C3orf52: variants seen among roughly 807,000 people sequenced by gnomAD.
C3orf52 encodes TPA-induced transmembrane protein.
A neutral mutation model predicts 24.8 loss-of-function variants in C3orf52; 22 were observed. The ratio of observed to expected loss-of-function variants is 0.89; its 90% CI spans 0.63 to 1.27. The LOEUF is 1.27. Among genes scored for constraint, C3orf52 ranks in the 50% most tolerant of loss-of-function variants. The pLI is 0.00. For missense variants in C3orf52, 265 were observed against 260.7 expected, an observed-to-expected ratio of 1.02 and a Z score of -0.11; for synonymous variants, 93 against 100.2, an observed-to-expected ratio of 0.93 and a Z score of 0.43.
rs1489572656 is a variant in C3orf52, at chr3:112,102,837, G to A, written c.269-1G>A. 3 of 1,552,376 alleles carry A rather than the reference G, an allele frequency of 1.9e-6. No individual in the cohort carries two copies. The highest frequency in any genetic ancestry group is 4.0e-5 in the Admixed American group (2 of 49,596). ...ATTTCCACCTCCCCTACTTTCTTTA[G>A]TAACTTATGTTGATGAAGATGAAAA... On this transcript the variant is annotated splice_acceptor_variant, in intron 2 of 5. Transcript: ENST00000264848. LOFTEE classifies it high-confidence loss of function.
chr3:112,132,281 T>C (rs753665689), downstream of C3orf52, among the ~76,000 whole-genome samples: 2 of 152,020 alleles, frequency 1.3e-5, no homozygotes, highest in Non-Finnish European at 2.9e-5. Flanking sequence ...TGTTCCACTC[T>C]CCAGTAGCAT....
chr3:112,093,537 T>G, intron 2 of C3orf52, 48 bp downstream of exon 2: 1 of 1,564,184 alleles, frequency 6.4e-7, no homozygotes, highest in East Asian at 2.3e-5. Context: ...AGAACTTACT[T>G]AAGGCTTGTG....
Position 112,113,144 on chromosome 3 carries a change from T to C in C3orf52, c.648T>C (p.Tyr216=), listed in dbSNP as rs745978679. The C allele has an allele frequency of 7.0e-5, 112 of 1,593,942 alleles. No homozygotes were observed. Among genetic ancestry groups the C allele is most frequent in the Non-Finnish European group, 9.4e-5 (110 of 1,170,888 alleles). Residue 216 remains tyrosine (Y), a splice_region_variant and synonymous_variant, in exon 5 of 6, where the codon TAT becomes TAC. Coordinates refer to ENST00000264848, the MANE Select transcript of C3orf52 (RefSeq NM_024616.3). ...LGLDPTSLLL[Y]E is the part of the protein sequence containing the mutation. The stretch of plus-strand genomic sequence containing the variant: ...TTGATCCAACATCCCTCTTGCTCTA[T>C]GGTAAGTAGAGCAAGTAAAGAAGTC...
At chr3:112,101,749 A>C (rs1258187262) in intron 2 of C3orf52, among the ~76,000 whole-genome samples, 1 of 152,100 alleles carries the variant, frequency 6.6e-6, no homozygotes, top group Admixed American at 6.5e-5. Context: ...CAAACACTGA[A>C]TTTATTCCAC....
At chr3:112,132,592 A>T, downstream of C3orf52, 2 of 943,552 alleles carry the variant, frequency 2.1e-6, no homozygotes, top group South Asian at 9.8e-5. Context: ...TCCAGAAAGT[A>T]AATCTGAGTT....
At chr3:112,119,845 T>G (rs1323865690), downstream of C3orf52, among the ~76,000 whole-genome samples, 1 of 152,228 alleles carries the variant, frequency 6.6e-6, no homozygotes, top group Non-Finnish European at 1.5e-5. Context: ...CATCTCACAG[T>G]TGGGAAATCA....
intron 4 of C3orf52, among the ~76,000 whole-genome samples, chr3:112,127,407 A>G (rs527360992): frequency 1.1e-4 from 16 of 143,770 alleles, no homozygotes; most frequent in South Asian, 4.6e-4. Flanking sequence ...ATTCTAATCT[A>G]TGATCTCCAA....
intron 2 of C3orf52, among the ~76,000 whole-genome samples, chr3:112,097,474 A>G (rs1262590180): frequency 2.0e-5 from 3 of 152,062 alleles, no homozygotes; most frequent in African/African-American, 7.2e-5. Flanking sequence ...TGTGGTACTG[A>G]GATATAAGCA....
At chr3:112,087,997 A>G (rs957682253) in intron 1 of C3orf52, among the ~76,000 whole-genome samples, 1 of 152,252 alleles carries the variant, frequency 6.6e-6, no homozygotes, top group Non-Finnish European at 1.5e-5. Flanking sequence ...AGAACAAGCC[A>G]AATCCATGCA....
At chr3:112,112,679 G>A (rs899718935) in intron 4 of C3orf52, 1 of 414,354 alleles carries the variant, frequency 2.4e-6, no homozygotes, top group African/African-American at 2.0e-5. Context: ...CATCTTGACT[G>A]GAGATGGGCA....
chr3:112,127,866 G>T, intron 4 of C3orf52: 1 of 646,582 alleles, frequency 1.5e-6, no homozygotes, highest in Non-Finnish European at 2.8e-6. Flanking sequence ...CAAATTGGAA[G>T]GATTGCTTCC....
At chr3:112,107,072 A>G (rs2074032176) in intron 3 of C3orf52, among the ~76,000 whole-genome samples, 1 of 152,238 alleles carries the variant, frequency 6.6e-6, no homozygotes, top group Non-Finnish European at 1.5e-5. Context: ...GCAGAGGAGC[A>G]TGATCAAAAA....
At position 112,116,689 on chromosome 3, in the gene C3orf52, A is replaced by C; in HGVS notation, c.*43A>C. 6.3e-7 allele frequency: 1 copy of C among 1,589,040 alleles called. No individual in the cohort carries two copies. Among genetic ancestry groups the C allele is most frequent in the Non-Finnish European group, 8.6e-7 (1 of 1,166,602 alleles). On this transcript the variant is annotated 3_prime_UTR_variant, in exon 6 of 6. Coordinates refer to ENST00000264848, the MANE Select transcript of C3orf52 (RefSeq NM_024616.3). ...TCTGTCTGAAAGCAGTGCTCTACCA[A>C]GTCCTGGAGATGAAGGGAATTCACT...
chr3:112,127,236 C>T (rs2074346172), intron 4 of C3orf52, among the ~76,000 whole-genome samples: 1 of 152,154 alleles, frequency 6.6e-6, no homozygotes, highest in Non-Finnish European at 1.5e-5. Context: ...GCCTCTTTCT[C>T]TCTCTCCTCC....
chr3:112,101,932 G>A (rs1187007595), intron 2 of C3orf52, among the ~76,000 whole-genome samples: 1 of 152,176 alleles, frequency 6.6e-6, no homozygotes, highest in Non-Finnish European at 1.5e-5. Flanking sequence ...CTCACTTTGT[G>A]TGATTTTCCT....
At chr3:112,130,375 G>T, downstream of C3orf52, 2 of 1,249,288 alleles carry the variant, frequency 1.6e-6, no homozygotes, top group African/African-American at 1.5e-5. Flanking sequence ...GGGATGTGAA[G>T]TCCAGGGCTT....
Position 112,113,110 on chromosome 3 carries a change from G to C in C3orf52, c.614G>C (p.Ser205Thr). ...FRDQNIPGCESLGLDPTSLLL... is the reference protein window; with the variant it reads ...FRDQNIPGCETLGLDPTSLLL... ...GATCAGAATATACCTGGTTGTGAGAGTCTGGGGCTTGATCCAACATCCCTC... is the reference window on the plus strand; with the variant it reads ...GATCAGAATATACCTGGTTGTGAGACTCTGGGGCTTGATCCAACATCCCTC... Residue 205 changes from serine to threonine, a missense_variant, in exon 5 of 6, where the codon AGT becomes ACT. Physicochemically the swap from Ser to Thr is moderately conservative, Grantham distance 58. Coordinates refer to ENST00000264848, the MANE Select transcript of C3orf52 (RefSeq NM_024616.3). 1 of 1,610,876 alleles carries C rather than the reference G, an allele frequency of 6.2e-7. No individual in the cohort carries two copies. The highest frequency in any genetic ancestry group is 1.7e-4 in the Middle Eastern group (1 of 6,058).
At chr3:112,101,912 C>A (rs552496214) in intron 2 of C3orf52, among the ~76,000 whole-genome samples, 2 of 152,160 alleles carry the variant, frequency 1.3e-5, no homozygotes, top group Non-Finnish European at 2.9e-5. Flanking sequence ...TAGCTTCTGG[C>A]GCCTGGCTCC....
downstream of C3orf52, chr3:112,134,788 A>ACAGAAT (rs2074533609): frequency 6.5e-6 from 1 of 154,712 alleles, no homozygotes; most frequent in African/African-American, 2.4e-5. Context: ...CATCCACACA[A>ACAGAAT]CAGAATCCTG....
Sources: allele counts gnomAD v4.1 joint callset (sites outside exome capture counted in the v4.1 genomes callset), GRCh38; gene constraint gnomAD v4.1.1; transcripts MANE v1.5; gene names NCBI Gene and HGNC (gene_info 2026-07-23, HGNC 2026-07-21).